Variants in SMOC2 observed in about 807,000 individuals in gnomAD.
SMOC2 encodes the protein SPARC related modular calcium binding 2, also known as SPARC-related modular calcium-binding protein 2.
SMOC2 carries 39 observed loss-of-function variants against 61.4 expected under a neutral mutation model. That is an observed-to-expected ratio of 0.64 (90% confidence interval 0.49 to 0.83). The LOEUF (loss-of-function observed/expected upper bound fraction) is 0.83. SMOC2 is among the 40% of genes least tolerant of loss of function. SMOC2 has a pLI of 0.00. For synonymous variants in SMOC2, 247 were observed against 239.9 expected, an observed-to-expected ratio of 1.03 and a Z score of -0.27; for missense variants, 556 against 592.9, an observed-to-expected ratio of 0.94 and a Z score of 0.65.
At position 168,475,417 on chromosome 6, in the gene SMOC2, AC is replaced by A. The variant is rs1314524615; in HGVS notation, c.84+33965del. ...CAGGTGGAAACACGTGGTGCGTACA[AC>A]CTTGCTCAATCCCTCCCCCACCCCA... On this transcript the variant is annotated intron_variant, in intron 1 of 12. Coordinates refer to ENST00000356284, the MANE Select transcript of SMOC2 (RefSeq NM_001166412.2). This position sits in a 1 kb window ranked among gnomAD's most constrained non-coding sequence, Gnocchi z 4.6. Among the ~76,000 whole-genome samples the A allele has an allele frequency of 6.6e-6, 1 of 152,030 alleles. No individual in the cohort carries two copies. The highest frequency in any genetic ancestry group is 1.5e-5 in the Non-Finnish European group (1 of 67,988).
intron 1 of SMOC2, among the ~76,000 whole-genome samples, chr6:168,460,381 G>A (rs1240342846): frequency 6.6e-6 from 1 of 152,178 alleles, no homozygotes; most frequent in Non-Finnish European, 1.5e-5. Flanking sequence ...CAACTTTGGG[G>A]CCTTTTCAAG....
intron 9 of SMOC2, among the ~76,000 whole-genome samples, chr6:168,647,404 A>G (rs73244512): frequency 0.14 from 21,363 of 152,202 alleles, 1,694 homozygotes; most frequent in East Asian, 0.21. Flanking sequence ...ATCACACACC[A>G]CAAAATGCCA....
chr6:168,653,350 G>A, intron 11 of SMOC2, 122 bp downstream of exon 11: 1 of 1,165,610 alleles, frequency 8.6e-7, no homozygotes, highest in Non-Finnish European at 1.2e-6. Flanking sequence ...AATCAAATAT[G>A]CTGTTTAATT....
chr6:168,575,527 C>T (rs190582861), intron 7 of SMOC2, among the ~76,000 whole-genome samples: 35 of 152,196 alleles, frequency 2.3e-4, no homozygotes, highest in Admixed American at 3.9e-4. Context: ...TTCAGTTCCC[C>T]GATGCAGAAG....
At chr6:168,631,704 G>A (rs1223146274) in intron 9 of SMOC2, among the ~76,000 whole-genome samples, 1 of 146,740 alleles carries the variant, frequency 6.8e-6, no homozygotes, top group Non-Finnish European at 1.5e-5. Flanking sequence ...TGCAGACATT[G>A]GTTTGGTGCA....
chr6:168,458,526 G>C (rs973319194), intron 1 of SMOC2, among the ~76,000 whole-genome samples: 4 of 152,216 alleles, frequency 2.6e-5, no homozygotes, highest in Non-Finnish European at 5.9e-5. Flanking sequence ...CCTCTTTGGA[G>C]TGCAGTATTT....
chr6:168,557,629 G>A (rs1460929878), intron 7 of SMOC2, among the ~76,000 whole-genome samples: 3 of 152,162 alleles, frequency 2.0e-5, no homozygotes, highest in African/African-American at 4.8e-5. Flanking sequence ...TTGAACTAAT[G>A]AGGTCTGATG....
At chr6:168,587,482 A>G (rs1201589535) in intron 7 of SMOC2, among the ~76,000 whole-genome samples, 5 of 152,270 alleles carry the variant, frequency 3.3e-5, no homozygotes, top group African/African-American at 1.2e-4. Context: ...GGTTCAGTCC[A>G]GAAAGGCGGG....
rs1257615890 is a variant in SMOC2 at position 168,571,835 on chromosome 6, TGC to T, written c.637+22634_637+22635del. On this transcript the variant is annotated intron_variant, in intron 7 of 12. Coordinates refer to ENST00000356284, the MANE Select transcript of SMOC2 (RefSeq NM_001166412.2). ...CATCCCTGGGTGCTGGGACCAGGGC[TGC>T]GTGCTCCCTGAACGCGATGTTCATT... 7.0e-3 allele frequency among the ~76,000 whole-genome samples: 1,003 copies of T among 143,998 alleles called. 153 individuals are homozygous for T. Among genetic ancestry groups the T allele is most frequent in the African/African-American group, 9.8e-3 (393 of 40,046 alleles). The allele number at this position is 143,998 out of a possible 152,430, so 94.5% of individuals were successfully genotyped here.
At chr6:168,480,781 A>G (rs778513057) in intron 1 of SMOC2, among the ~76,000 whole-genome samples, 1 of 152,202 alleles carries the variant, frequency 6.6e-6, no homozygotes, top group Non-Finnish European at 1.5e-5. Context: ...TTATGACCAA[A>G]CTTTCAATAG....
Position 168,441,430 on chromosome 6 carries a change from C to T in SMOC2, c.60C>T (p.Pro20=), listed in dbSNP as rs553730194. 10 of 1,510,330 alleles carry T rather than the reference C, an allele frequency of 6.6e-6. No homozygotes were observed. The highest frequency in any genetic ancestry group is 8.8e-6 in the Non-Finnish European group (10 of 1,133,144). 93.6% of individuals were successfully genotyped at this position (1,510,330 alleles called of 1,614,324 possible). A position where few individuals can be genotyped will look rare whatever the true frequency, so the allele number is the denominator to read the frequency against. Residue 20 remains proline (P), a synonymous_variant, in exon 1 of 13, where the codon CCC becomes CCT. Coordinates refer to ENST00000356284, the MANE Select transcript of SMOC2 (RefSeq NM_001166412.2). ...TCGCTGGGCTGCTCCCGCCGGTGCC[C>T]GCTCAGAAGTTCTCGGCGCTCACGG... The part of the protein sequence containing the change: ...PLLAGLLPPV[P]AQKFSALTFL...
chr6:168,473,698 G>A (rs549922032), intron 1 of SMOC2, among the ~76,000 whole-genome samples: 1 of 152,108 alleles, frequency 6.6e-6, no homozygotes, highest in Non-Finnish European at 1.5e-5. Context: ...ACTTGGGAGA[G>A]GAATAGTTAG....
rs911312420 is a variant in SMOC2 at position 168,441,284 on chromosome 6, C to G, written c.-87C>G. ...GGAGCCGCCCCTCCACGCGCCCGCC[C>G]AGCCGCGCTCGCCCACTGGGCTCTC... is the stretch of plus-strand genomic sequence containing the variant. On this transcript the variant is annotated 5_prime_UTR_variant, in exon 1 of 13. Transcript: ENST00000356284. 10 of 1,415,024 alleles carry G rather than the reference C, an allele frequency of 7.1e-6. No homozygotes were observed. The African/African-American group carries it at 1.4e-4, about 19-fold the overall frequency. 87.7% of individuals were successfully genotyped at this position (1,415,024 alleles called of 1,614,324 possible).
intron 9 of SMOC2, among the ~76,000 whole-genome samples, chr6:168,641,818 C>G (rs1786897285): frequency 6.6e-6 from 1 of 152,140 alleles, no homozygotes; most frequent in African/African-American, 2.4e-5. Context: ...AACCAAGTGC[C>G]CACTTCTATC....
chr6:168,493,670 C>T (rs553824372), intron 1 of SMOC2, among the ~76,000 whole-genome samples: 4 of 152,254 alleles, frequency 2.6e-5, no homozygotes, highest in South Asian at 4.1e-4. Flanking sequence ...TTAATATCAA[C>T]ATTTTAGGGA....
intron 1 of SMOC2, among the ~76,000 whole-genome samples, chr6:168,496,464 T>C (rs1317378803): frequency 1.3e-5 from 2 of 152,218 alleles, no homozygotes; most frequent in Admixed American, 6.5e-5. Context: ...CGTGAATAGA[T>C]TCATGTGGCT....
At chr6:168,507,610 G>A (rs1373264154) in intron 1 of SMOC2, among the ~76,000 whole-genome samples, 1 of 152,246 alleles carries the variant, frequency 6.6e-6, no homozygotes, top group East Asian at 1.9e-4. Flanking sequence ...CCCCACTGCT[G>A]GAAGAGCTCA....
intron 11 of SMOC2, among the ~76,000 whole-genome samples, chr6:168,659,066 G>A (rs1361637091): frequency 4.4e-5 from 1 of 22,946 alleles, no homozygotes; most frequent in East Asian, 2.1e-3. Flanking sequence ...GGGTGTGTGT[G>A]TGAGTGGTGT....
intron 7 of SMOC2, among the ~76,000 whole-genome samples, chr6:168,552,769 C>T (rs1455740728): frequency 6.6e-6 from 1 of 152,012 alleles, no homozygotes; most frequent in Non-Finnish European, 1.5e-5. Flanking sequence ...ATCTGTAAGT[C>T]AGGCAGAATT....
Sources: allele counts gnomAD v4.1 joint callset (sites outside exome capture counted in the v4.1 genomes callset), GRCh38; gene constraint gnomAD v4.1.1; non-coding constraint Gnocchi (gnomAD v3.1); transcripts MANE v1.5; gene names NCBI Gene and HGNC (gene_info 2026-07-23, HGNC 2026-07-21).